RAB7A: variants seen among roughly 807,000 people sequenced by gnomAD.
The protein encoded by RAB7A is RAB7A, member RAS oncogene family.
RAB7A carries 2 observed loss-of-function variants against 24.5 expected under a neutral mutation model. That is an observed-to-expected ratio of 0.08 (90% CI 0.03 to 0.26). The LOEUF (loss-of-function observed/expected upper bound fraction) is 0.26. RAB7A is among the 10% of genes least tolerant of loss of function. RAB7A has a pLI of 1.00. For missense variants in RAB7A, 118 were observed against 255.7 expected, an observed-to-expected ratio of 0.46 and a Z score of 3.67; for synonymous variants, 100 against 95.9, an observed-to-expected ratio of 1.04 and a Z score of -0.25.
At chr3:128,745,408 G>C (rs898661382) in intron 1 of RAB7A, among the ~76,000 whole-genome samples, 3 of 152,092 alleles carry the variant, frequency 2.0e-5, no homozygotes, top group African/African-American at 7.2e-5. Flanking sequence ...TTGTTGCCCA[G>C]GCTGGAGTGC....
intron 1 of RAB7A, among the ~76,000 whole-genome samples, chr3:128,757,581 A>AT (rs1241272491): frequency 1.4e-5 from 2 of 148,078 alleles, no homozygotes; most frequent in African/African-American, 2.5e-5. Context: ...GTATAGTGGC[A>AT]TGATCTCAGC....
intron 1 of RAB7A, chr3:128,785,261 A>G (rs920571463): frequency 2.6e-5 from 4 of 152,152 alleles, no homozygotes; most frequent in Admixed American, 6.5e-5. Flanking sequence ...GGGTGTCTGC[A>G]TTAACTTCGG....
At chr3:128,777,711 C>T (rs191876683) in intron 1 of RAB7A, among the ~76,000 whole-genome samples, 2 of 152,282 alleles carry the variant, frequency 1.3e-5, no homozygotes, top group Middle Eastern at 3.4e-3. Flanking sequence ...AAAAGCTGCT[C>T]CAGTCAATCA....
intron 1 of RAB7A, among the ~76,000 whole-genome samples, chr3:128,780,379 G>T (rs893576984): frequency 6.6e-6 from 1 of 152,180 alleles, no homozygotes; most frequent in Admixed American, 6.5e-5. Context: ...TTTCAGAATT[G>T]TGTAGATGCC....
intron 1 of RAB7A, chr3:128,764,801 G>T: frequency 2.2e-6 from 2 of 890,380 alleles, no homozygotes; most frequent in Non-Finnish European, 3.8e-6. Context: ...TAGTTTTGCA[G>T]CTTCATCAGT....
intron 1 of RAB7A, among the ~76,000 whole-genome samples, chr3:128,766,222 A>G (rs940976450): frequency 2.0e-5 from 3 of 152,238 alleles, no homozygotes; most frequent in Non-Finnish European, 2.9e-5. Flanking sequence ...CAGAGACTCA[A>G]ACATGGCACC....
chr3:128,806,554 T>G lies in RAB7A; in HGVS notation c.363T>G (p.Val121=). 1 of 1,614,126 alleles carries G rather than the reference T, an allele frequency of 6.2e-7. No homozygotes were observed. The highest frequency in any genetic ancestry group is 8.5e-7 in the Non-Finnish European group (1 of 1,180,006). ...SPRDPENFPF[V]VLGNKIDLEN... ...GAGATCCTGAAAACTTCCCATTTGT[T>G]GTGTTGGGAAACAAGATTGACCTCG... The change falls in exon 4 of 6, where the codon GTT becomes GTG. Residue 121 remains valine, a synonymous_variant. Transcript: ENST00000265062.
chr3:128,760,894 T>G (rs2070771563), intron 1 of RAB7A, among the ~76,000 whole-genome samples: 1 of 152,238 alleles, frequency 6.6e-6, no homozygotes, highest in Admixed American at 6.5e-5. Context: ...TAAAGTGTTT[T>G]ATCCCTTAAA....
chr3:128,747,609 AGAAAT>A (rs1175202762), intron 1 of RAB7A, among the ~76,000 whole-genome samples: 15 of 151,604 alleles, frequency 9.9e-5, no homozygotes, highest in South Asian at 2.1e-4. Flanking sequence ...AATGAAATAA[AGAAAT>A]GAAATGAAAT....
At chr3:128,771,687 C>T (rs763616890) in intron 1 of RAB7A, among the ~76,000 whole-genome samples, 5 of 152,312 alleles carry the variant, frequency 3.3e-5, no homozygotes, top group African/African-American at 2.4e-5. Flanking sequence ...AATATTAAGT[C>T]GGTGCAATAG....
chr3:128,736,917 T>C (rs1251286425), intron 1 of RAB7A, among the ~76,000 whole-genome samples: 1 of 152,166 alleles, frequency 6.6e-6, no homozygotes, highest in Non-Finnish European at 1.5e-5. Context: ...GGGAAATAGC[T>C]CTCATTTGCA....
At chr3:128,730,387 G>T (rs757898328) in intron 1 of RAB7A, among the ~76,000 whole-genome samples, 1 of 151,886 alleles carries the variant, frequency 6.6e-6, no homozygotes, top group East Asian at 1.9e-4. Context: ...CCACCACCAC[G>T]CCCGGCTAAT....
intron 1 of RAB7A, among the ~76,000 whole-genome samples, chr3:128,758,214 C>T (rs2070745755): frequency 6.6e-6 from 1 of 150,754 alleles, no homozygotes; most frequent in South Asian, 2.1e-4. Flanking sequence ...TCTTCCTGCC[C>T]TAGCCTGTCA....
intron 1 of RAB7A, among the ~76,000 whole-genome samples, chr3:128,781,012 C>G (rs1296337918): frequency 6.6e-6 from 1 of 152,200 alleles, no homozygotes; most frequent in South Asian, 2.1e-4. Context: ...AAATGTGACT[C>G]TCTACTGCCC....
intron 1 of RAB7A, among the ~76,000 whole-genome samples, chr3:128,786,470 A>G (rs1933344570): frequency 1.3e-5 from 2 of 152,174 alleles, no homozygotes; most frequent in African/African-American, 2.4e-5. Context: ...CTTGAAGTCA[A>G]TCAGTTTTGA....
intron 1 of RAB7A, among the ~76,000 whole-genome samples, chr3:128,747,205 T>C (rs1234093192): frequency 6.6e-6 from 1 of 151,616 alleles, no homozygotes; most frequent in East Asian, 1.9e-4. Context: ...GGCAAGAGTA[T>C]TGCTTGAGCC....
Position 128,769,881 on chromosome 3 carries a change from G to T in RAB7A, c.-8-25479G>T, listed in dbSNP as rs570599328. 2.0e-5 allele frequency among the ~76,000 whole-genome samples: 3 copies of T among 152,262 alleles called. No homozygotes were observed. In the East Asian group the frequency reaches 5.8e-4, roughly 29 times the overall value. ...TTGGTTAACATCAGGTTACTTTTTT[G>T]TAAGGATTAAAGCAGAGGGTAGTTC... is the stretch of plus-strand genomic sequence containing the variant. On this transcript the variant is annotated intron_variant, in intron 1 of 5. Transcript: ENST00000265062.
At chr3:128,793,429 C>A (rs977811692) in intron 1 of RAB7A, among the ~76,000 whole-genome samples, 3 of 151,648 alleles carry the variant, frequency 2.0e-5, no homozygotes, top group Non-Finnish European at 4.4e-5. Context: ...GCCGTTATTA[C>A]AAGCATGAGC....
At chr3:128,770,685 C>T (rs568108833) in intron 1 of RAB7A, among the ~76,000 whole-genome samples, 1 of 152,190 alleles carries the variant, frequency 6.6e-6, no homozygotes, top group South Asian at 2.1e-4. Context: ...GTGGGCAGTC[C>T]CCATCTCCTG....
Sources: gnomAD v4.1 joint callset for allele counts (sites outside exome capture counted in the v4.1 genomes callset) on GRCh38, gnomAD v4.1.1 for gene constraint, MANE v1.5 for transcripts, NCBI Gene and HGNC (gene_info 2026-07-23, HGNC 2026-07-21) for gene names.